The following PRDM13 variants were observed in gnomAD, a reference collection of about 807,000 sequenced individuals.
PRDM13 encodes PR domain zinc finger protein 13.
In PRDM13, 15 loss-of-function variants were observed where a neutral mutation model predicts 36.4. The observed-to-expected ratio is 0.41, with a 90% CI of 0.28 to 0.64. PRDM13 has a LOEUF of 0.64. PRDM13 is among the 30% of genes least tolerant of loss of function. The pLI is 0.29. For synonymous variants in PRDM13, 531 were observed against 467.7 expected, an observed-to-expected ratio of 1.14 and a Z score of -1.75; for missense variants, 1,044 against 1,013.5, an observed-to-expected ratio of 1.03 and a Z score of -0.41.
chr6:99,613,684 C>A lies in PRDM13; in HGVS notation c.1049C>A (p.Ala350Glu). Reference sequence around the variant, plus strand: ...GGGGAGAACTCGGCGGCGGGCGGCGCGGGTCACCACCATCACCACCACGCG... The same window carrying A: ...GGGGAGAACTCGGCGGCGGGCGGCGAGGGTCACCACCATCACCACCACGCG... ...GSGENSAAGG[A>E]GHHHHHHAHH... Residue 350 changes from alanine to glutamate, a missense_variant, in exon 4 of 4, where the codon GCG (alanine) becomes GAG (glutamate). This residue lies in a region of PRDM13 where 921 missense variants were observed against 865.2 expected (regional missense o/e 1.06). Coordinates refer to ENST00000369215, the MANE Select transcript of PRDM13 (RefSeq NM_021620.4). The surrounding 1 kb of genome is among the most constrained non-coding windows in gnomAD (Gnocchi z 6.1). The A allele has an allele frequency of 7.0e-7, 1 of 1,428,850 alleles. No individual in the cohort carries two copies. The highest frequency in any genetic ancestry group is 9.0e-7 in the Non-Finnish European group (1 of 1,106,502). The allele number at this position is 1,428,850 out of a possible 1,614,324, so 88.5% of individuals were successfully genotyped here. A position where few individuals can be genotyped will look rare whatever the true frequency, so the allele number is the denominator to read the frequency against.
chr6:99,608,538 T>G (rs1046816880), intron 1 of PRDM13, among the ~76,000 whole-genome samples: 8 of 152,170 alleles, frequency 5.3e-5, no homozygotes, highest in African/African-American at 1.9e-4. Flanking sequence ...GTGGGAGTAC[T>G]GTTAGCATAG....
chr6:99,614,036 G>C lies in PRDM13; in HGVS notation c.1401G>C (p.Gly467=). ...TGCCGGCCTTTACAGTCTACAACGGGGAGCTGCTCTACGGCTCACCGGCCA... is the reference window on the plus strand; with the variant it reads ...TGCCGGCCTTTACAGTCTACAACGGCGAGCTGCTCTACGGCTCACCGGCCA... ...AVMPAFTVYN[G]ELLYGSPATT... is the part of the protein sequence containing the mutation. Residue 467 remains glycine, a synonymous_variant, in exon 4 of 4, where the codon GGG becomes GGC. Transcript: ENST00000369215. 1.9e-6 allele frequency: 3 copies of C among 1,610,526 alleles called. No individual in the cohort carries two copies. Among genetic ancestry groups the C allele is most frequent in the Non-Finnish European group, 1.7e-6 (2 of 1,179,152 alleles).
chr6:99,613,070 G>C lies in PRDM13; in HGVS notation c.435G>C (p.Thr145=). ...ACATCTGCTGGTACTGCTGGAGGAC[G>C]TTTAGATACCCCAACAGCCTTAAGG... ...ERYICWYCWR[T]FRYPNSLKAH... Residue 145 remains threonine (T), a synonymous_variant, in exon 4 of 4, where the codon ACG becomes ACC. Coordinates refer to ENST00000369215, the MANE Select transcript of PRDM13 (RefSeq NM_021620.4). The surrounding 1 kb of genome is among the most constrained non-coding windows in gnomAD (Gnocchi z 6.1). The C allele has an allele frequency of 1.9e-6, 3 of 1,613,614 alleles. No individual in the cohort carries two copies. The highest frequency in any genetic ancestry group is 2.5e-6 in the Non-Finnish European group (3 of 1,179,938).
rs1185899296 is a variant in PRDM13 at position 99,614,240 on chromosome 6, G to C, written c.1605G>C (p.Gly535=). 6.2e-7 allele frequency: 1 copy of C among 1,609,228 alleles called. No homozygotes were observed. The highest frequency in any genetic ancestry group is 8.5e-7 in the Non-Finnish European group (1 of 1,178,868). ...HNQQLSEMAA[G]KGRGRLDSGT... is the part of the protein sequence containing the mutation. Reference sequence around the variant, plus strand: ...AGCAGCTGTCCGAGATGGCTGCCGGGAAGGGTCGCGGACGCCTGGACTCGG... The same window carrying C: ...AGCAGCTGTCCGAGATGGCTGCCGGCAAGGGTCGCGGACGCCTGGACTCGG... The change falls in exon 4 of 4, where the codon GGG becomes GGC. Residue 535 remains glycine (G), a synonymous_variant. Coordinates refer to ENST00000369215, the MANE Select transcript of PRDM13 (RefSeq NM_021620.4).
chr6:99,614,282 C>T lies in PRDM13; in HGVS notation c.1647C>T (p.Ala549=). ...TGGACTCGGGGACGTTGCCACCGGC[C>T]GTCGCGGCGGCGGGAGGCACCGGGG... ...GRLDSGTLPP[A]VAAAGGTGGG... Residue 549 remains alanine, a synonymous_variant, in exon 4 of 4, where the codon GCC becomes GCT. Transcript: ENST00000369215. 1 of 1,606,252 alleles carries T rather than the reference C, an allele frequency of 6.2e-7. No individual in the cohort carries two copies. Among genetic ancestry groups the T allele is most frequent in the Non-Finnish European group, 8.5e-7 (1 of 1,176,772 alleles).
Position 99,609,217 on chromosome 6 carries a change from C to T in PRDM13, c.307C>T (p.Pro103Ser). 1 of 1,613,492 alleles carries T rather than the reference C, an allele frequency of 6.2e-7. No individual in the cohort carries two copies. Residue 103 changes from proline to serine, a missense_variant, in exon 3 of 4, where the codon CCA becomes TCA. Pro to Ser is a moderately conservative substitution (Grantham distance 74, BLOSUM62 -1). Transcript: ENST00000369215. The stretch of plus-strand genomic sequence containing the variant: ...CTACCGAGCATTGCGAGACGTCCAG[C>T]CAGGGGAGGAGCTGACAGTGTGGTA... Reference protein sequence around the residue: ...IFYRALRDVQPGEELTVWYSN... With the variant: ...IFYRALRDVQSGEELTVWYSN...
At chr6:99,610,634 G>A (rs557322960) in intron 3 of PRDM13, among the ~76,000 whole-genome samples, 1 of 152,318 alleles carries the variant, frequency 6.6e-6, no homozygotes, top group Admixed American at 6.5e-5. Context: ...TGTAGGTATA[G>A]TATTCAAATT....
rs1770072609 is a variant in PRDM13, at chr6:99,613,654, G to A, written c.1019G>A (p.Gly340Glu). Reference sequence around the variant, plus strand: ...GGGGGCCGGGCGTGCGGGCGCCCCGGGAGCGGGGAGAACTCGGCGGCGGGC... The same window carrying A: ...GGGGGCCGGGCGTGCGGGCGCCCCGAGAGCGGGGAGAACTCGGCGGCGGGC... ...LGGGRACGRP[G>E]SGENSAAGGA... The change falls in exon 4 of 4, where the codon GGG (glycine) becomes GAG (glutamate). Residue 340 changes from glycine to glutamate, a missense_variant. Transcript: ENST00000369215. The surrounding 1 kb of genome is among the most constrained non-coding windows in gnomAD (Gnocchi z 6.1). The A allele has an allele frequency of 1.4e-6, 2 of 1,428,046 alleles. No homozygotes were observed. The highest frequency in any genetic ancestry group is 1.8e-6 in the Non-Finnish European group (2 of 1,106,422). 88.5% of individuals were successfully genotyped at this position (1,428,046 alleles called of 1,614,324 possible). A position where few individuals can be genotyped will look rare whatever the true frequency, so the allele number is the denominator to read the frequency against.
At chr6:99,609,651 C>T (rs547457733) in intron 3 of PRDM13, among the ~76,000 whole-genome samples, 44 of 152,066 alleles carry the variant, frequency 2.9e-4, no homozygotes, top group East Asian at 2.1e-3. Context: ...TTTGGGAGGC[C>T]GAGGTAGGAG....
intron 1 of PRDM13, 128 bp from the exon 2 acceptor site, chr6:99,608,613 C>G: frequency 7.9e-7 from 1 of 1,262,548 alleles, no homozygotes; most frequent in Non-Finnish European, 1.1e-6. Context: ...TCCCAGTAGC[C>G]CATAGTGGTC....
Position 99,609,366 on chromosome 6 carries a change from G to T in PRDM13, c.397+59G>T, listed in dbSNP as rs78488829. 4,806 of 1,576,578 alleles carry T rather than the reference G, an allele frequency of 3.0e-3. 136 individuals carry two copies. The African/African-American group carries it at 0.058, about 19-fold the overall frequency. On this transcript the variant is annotated intron_variant, in intron 3 of 3. Transcript: ENST00000369215. ...CCAGCCCTCCTCCTCCTGTCTTGAA[G>T]CGAGTCCCTAGACATAGCTCGATCT...
Position 99,609,209 on chromosome 6 carries a change from A to T in PRDM13, c.299A>T (p.Asp100Val). Reference protein sequence around the residue: ...GGQIFYRALRDVQPGEELTVW... With the variant: ...GGQIFYRALRVVQPGEELTVW... The stretch of plus-strand genomic sequence containing the variant: ...CAGATCTTCTACCGAGCATTGCGAG[A>T]CGTCCAGCCAGGGGAGGAGCTGACA... The change falls in exon 3 of 4, where the codon GAC becomes GTC. Residue 100 changes from aspartate (D) to valine (V), a missense_variant. Asp to Val is a radical substitution (Grantham distance 152). Around this residue, in one of 3 missense-constraint regions of PRDM13, gnomAD observed 921 missense variants for 865.2 expected, o/e 1.06. Transcript: ENST00000369215. The T allele has an allele frequency of 1.1e-5, 17 of 1,613,690 alleles. No individual in the cohort carries two copies. The highest frequency in any genetic ancestry group is 1.4e-5 in the Non-Finnish European group (17 of 1,179,664).
chr6:99,608,938 T>A, intron 2 of PRDM13, 66 bp downstream of exon 2: 1 of 1,548,224 alleles, frequency 6.5e-7, no homozygotes, highest in Non-Finnish European at 8.7e-7. Context: ...TAACCGTCCC[T>A]GCGGTGGCCA....
rs748262875 is a variant in PRDM13, at chr6:99,614,012, G to A, written c.1377G>A (p.Met459Ile). 1.6e-5 allele frequency: 26 copies of A among 1,609,910 alleles called. No homozygotes were observed. The highest frequency in any genetic ancestry group is 2.1e-5 in the Non-Finnish European group (25 of 1,178,998). ...AGTGCAGCCACCTGCCCGCCGTCAT[G>A]CCGGCCTTTACAGTCTACAACGGGG... Reference protein sequence around the residue: ...GGECSHLPAVMPAFTVYNGEL... With the variant: ...GGECSHLPAVIPAFTVYNGEL... The change falls in exon 4 of 4, where the codon ATG becomes ATA. Residue 459 changes from methionine (M) to isoleucine (I), a missense_variant. This residue lies in a region of PRDM13 where 921 missense variants were observed against 865.2 expected (regional missense o/e 1.06). Coordinates refer to ENST00000369215, the MANE Select transcript of PRDM13 (RefSeq NM_021620.4).
chr6:99,614,020 TTACAGTC>T lies in PRDM13; in HGVS notation c.1390_1396del (p.Val464ThrfsTer25). 6.2e-7 allele frequency: 1 copy of T among 1,610,458 alleles called. No individual in the cohort carries two copies. Among genetic ancestry groups the T allele is most frequent in the Non-Finnish European group, 8.5e-7 (1 of 1,179,132 alleles). ...CACCTGCCCGCCGTCATGCCGGCCT[TTACAGTC>T]TACAACGGGGAGCTGCTCTACGGCT... On this transcript the variant is annotated frameshift_variant, in exon 4 of 4. Transcript: ENST00000369215. LOFTEE classifies it high-confidence loss of function.
Position 99,613,034 on chromosome 6 carries a change from G to T in PRDM13, c.399G>T (p.Gly133=). 6.2e-7 allele frequency: 1 copy of T among 1,613,572 alleles called. No homozygotes were observed. The highest frequency in any genetic ancestry group is 8.5e-7 in the Non-Finnish European group (1 of 1,179,998). Residue 133 remains glycine (G), a splice_region_variant and synonymous_variant, in exon 4 of 4, where the codon GGG becomes GGT. Coordinates refer to ENST00000369215, the MANE Select transcript of PRDM13 (RefSeq NM_021620.4). The surrounding 1 kb of genome is among the most constrained non-coding windows in gnomAD (Gnocchi z 6.1). ...GCTTTTCCATTCTTTCTTGCCCAGG[G>T]GAGGAGCGCTACATCTGCTGGTACT... ...TTATPTHDEK[G]EERYICWYCW...
chr6:99,610,366 C>CT (rs908584763), intron 3 of PRDM13, among the ~76,000 whole-genome samples: 5 of 152,174 alleles, frequency 3.3e-5, no homozygotes, highest in South Asian at 2.1e-4. Context: ...GCTTCCATGG[C>CT]TTTTTTTCTT....
At chr6:99,609,903 TAA>T (rs1369059530) in intron 3 of PRDM13, among the ~76,000 whole-genome samples, 1 of 133,240 alleles carries the variant, frequency 7.5e-6, no homozygotes. Context: ...TAAATAAAAA[TAA>T]AAAATAAAAA....
chr6:99,608,567 C>G (rs1769985876), intron 1 of PRDM13, among the ~76,000 whole-genome samples, 174 bp from the exon 2 acceptor site: 1 of 152,164 alleles, frequency 6.6e-6, no homozygotes, highest in Admixed American at 6.5e-5. Flanking sequence ...TCCTCTTTCT[C>G]CCTCCCCGAA....
Sources: allele counts gnomAD v4.1 joint callset (sites outside exome capture counted in the v4.1 genomes callset), GRCh38; gene constraint gnomAD v4.1.1; regional missense constraint gnomAD v4.1.1; non-coding constraint Gnocchi (gnomAD v3.1); transcripts MANE v1.5; gene names NCBI Gene and HGNC (gene_info 2026-07-23, HGNC 2026-07-21).